The following CLPTM1L variants were observed in gnomAD, a reference collection of about 807,000 sequenced individuals.
CLPTM1L encodes the protein CLPTM1 like, also known as lipid scramblase CLPTM1L.
A neutral mutation model predicts 70.9 loss-of-function variants in CLPTM1L; 38 were observed. The observed-to-expected ratio is 0.54, with a 90% CI of 0.41 to 0.70. The LOEUF (loss-of-function observed/expected upper bound fraction) is 0.70, where lower values mean the gene tolerates loss of function less well. CLPTM1L is among the 30% of genes least tolerant of loss of function. The pLI is 0.00. For synonymous variants in CLPTM1L, 339 were observed against 299.9 expected (o/e 1.13, Z -1.35); for missense variants, 652 against 705.9 (o/e 0.92, Z 0.87).
At chr5:1,329,864 T>C (rs111643233) in intron 9 of CLPTM1L, among the ~76,000 whole-genome samples, 2 of 121,564 alleles carry the variant, frequency 1.6e-5, no homozygotes, top group South Asian at 3.1e-4. Flanking sequence ...GACTCTCTGC[T>C]TGGTGGACAG....
intron 3 of CLPTM1L, among the ~76,000 whole-genome samples, chr5:1,340,788 T>C (rs1753891683): frequency 6.6e-6 from 1 of 152,300 alleles, no homozygotes; most frequent in South Asian, 2.1e-4. Flanking sequence ...TTTCTTGTTT[T>C]GTAAATTTTT....
intron 10 of CLPTM1L, chr5:1,325,030 TGGG>T: frequency 1.7e-6 from 1 of 599,792 alleles, no homozygotes; most frequent in Non-Finnish European, 3.0e-6. Context: ...ACAAGCCTGA[TGGG>T]GGCAACGCGG....
At chr5:1,322,605 G>A (rs1169843935) in intron 13 of CLPTM1L, among the ~76,000 whole-genome samples, 5 of 152,246 alleles carry the variant, frequency 3.3e-5, no homozygotes, top group African/African-American at 7.2e-5. Flanking sequence ...ACAGCCTGGC[G>A]TGGAGGGGCT....
intron 3 of CLPTM1L, among the ~76,000 whole-genome samples, chr5:1,339,875 G>T (rs957975546): frequency 4.3e-4 from 60 of 140,096 alleles, no homozygotes; most frequent in African/African-American, 1.5e-3. Flanking sequence ...CCACACAGAC[G>T]GGCAAACTGT....
At chr5:1,340,078 A>G (rs751715389) in intron 3 of CLPTM1L, among the ~76,000 whole-genome samples, 11 of 152,240 alleles carry the variant, frequency 7.2e-5, no homozygotes, top group Non-Finnish European at 1.6e-4. Flanking sequence ...CTCGCCAAAC[A>G]GCCCCCCATC....
Position 1,344,849 on chromosome 5 carries a change from C to T in CLPTM1L, c.-8G>A, listed in dbSNP as rs1754177338. On this transcript the variant is annotated 5_prime_UTR_variant, in exon 1 of 17. Transcript: ENST00000320895. ...GCTGCGGCCGCTCCACATGGCGGCCCCGCGCCCGGCGCCCCCGGCCCGCCC... is the reference window on the plus strand; with the variant it reads ...GCTGCGGCCGCTCCACATGGCGGCCTCGCGCCCGGCGCCCCCGGCCCGCCC... 2.7e-6 allele frequency: 4 copies of T among 1,466,426 alleles called. No individual in the cohort carries two copies. The highest frequency in any genetic ancestry group is 3.6e-6 in the Non-Finnish European group (4 of 1,107,596). 90.8% of individuals were successfully genotyped at this position (1,466,426 alleles called of 1,614,324 possible).
chr5:1,344,766 C>G lies in CLPTM1L; in HGVS notation c.76G>C (p.Val26Leu). The G allele has an allele frequency of 6.2e-7, 1 of 1,605,522 alleles. No individual in the cohort carries two copies. Among genetic ancestry groups the G allele is most frequent in the Non-Finnish European group, 8.5e-7 (1 of 1,176,910 alleles). The change falls in exon 1 of 17, where the codon GTC becomes CTC. Residue 26 changes from valine (V) to leucine (L), a missense_variant. Transcript: ENST00000320895. ...CGGGTGTAGACGATGCCGTACATGA[C>G]CCAGCAGGTGTGCACCACGTAGACC... ...FVVYVVHTCW[V>L]MYGIVYTRPC...
intron 9 of CLPTM1L, 122 bp downstream of exon 9, chr5:1,330,158 G>T: frequency 1.3e-6 from 1 of 782,890 alleles, no homozygotes; most frequent in Non-Finnish European, 2.2e-6. Context: ...AGAACACTGA[G>T]GCCATCGGGA....
chr5:1,333,798 A>G (rs1414829379), intron 7 of CLPTM1L, among the ~76,000 whole-genome samples: 1 of 150,414 alleles, frequency 6.6e-6, no homozygotes, highest in Non-Finnish European at 1.5e-5. Flanking sequence ...CTGTATACAC[A>G]TCGGGTAAGG....
At chr5:1,332,132 G>A in intron 7 of CLPTM1L, 2 of 508,464 alleles carry the variant, frequency 3.9e-6, no homozygotes, top group East Asian at 3.3e-5. Context: ...TTGAACTGCT[G>A]GAAAGGCCCC....
chr5:1,338,596 C>T (rs1228428513), intron 4 of CLPTM1L, among the ~76,000 whole-genome samples: 1 of 152,278 alleles, frequency 6.6e-6, no homozygotes, highest in African/African-American at 2.4e-5. Context: ...CCCATCAGCG[C>T]CTTCCGTTTT....
chr5:1,338,078 C>A lies in CLPTM1L; in HGVS notation c.600-96G>T, dbSNP rs1753696323. 3.1e-6 allele frequency: 3 copies of A among 954,492 alleles called. No homozygotes were observed. In the Admixed American group the frequency reaches 6.0e-5, roughly 19 times the overall value. The allele number at this position is 954,492 out of a possible 1,614,324, so 59.1% of individuals were successfully genotyped here. A position where few individuals can be genotyped will look rare whatever the true frequency, so the allele number is the denominator to read the frequency against. On this transcript the variant is annotated intron_variant, in intron 4 of 16. Transcript: ENST00000320895. Reference sequence around the variant, plus strand: ...ACACTGGGTTTACCCCAGAGAAGTGCCCCCAGCACCACCCTCAACTGCTTC... The same window carrying A: ...ACACTGGGTTTACCCCAGAGAAGTGACCCCAGCACCACCCTCAACTGCTTC...
intron 8 of CLPTM1L, 73 bp from the exon 9 acceptor site, chr5:1,330,456 A>AC (rs1164102418): frequency 1.6e-6 from 2 of 1,249,048 alleles, no homozygotes; most frequent in African/African-American, 1.5e-5. Flanking sequence ...TCACACACAT[A>AC]CCCCCAGTCC....
At chr5:1,326,222 G>A (rs946022500) in intron 9 of CLPTM1L, 1 of 255,886 alleles carries the variant, frequency 3.9e-6, no homozygotes, top group Non-Finnish European at 7.5e-6. Flanking sequence ...CGGAGCTCAG[G>A]ACGGGTGCCA....
Position 1,331,789 on chromosome 5 carries a change from G to A in CLPTM1L, c.976+10C>T. Reference sequence around the variant, plus strand: ...GAGTATCTGAGCAGGGCCACGCTCGGGGGGCCTACCTGCCTTGGTGGACAT... The same window carrying A: ...GAGTATCTGAGCAGGGCCACGCTCGAGGGGCCTACCTGCCTTGGTGGACAT... On this transcript the variant is annotated intron_variant, in intron 8 of 16. Coordinates refer to ENST00000320895, the MANE Select transcript of CLPTM1L (RefSeq NM_030782.5). 1 of 1,612,702 alleles carries A rather than the reference G, an allele frequency of 6.2e-7. No homozygotes were observed. The highest frequency in any genetic ancestry group is 8.5e-7 in the Non-Finnish European group (1 of 1,179,710).
At chr5:1,325,567 C>G in intron 10 of CLPTM1L, 184 bp downstream of exon 10, 1 of 621,328 alleles carries the variant, frequency 1.6e-6, no homozygotes, top group Non-Finnish European at 2.9e-6. Context: ...AGGTATATGA[C>G]CGGGGAATCC....
At chr5:1,343,638 G>T (rs1754088548) in intron 2 of CLPTM1L, among the ~76,000 whole-genome samples, 2 of 152,188 alleles carry the variant, frequency 1.3e-5, no homozygotes, top group South Asian at 4.1e-4. Flanking sequence ...CTGGCTTGAG[G>T]TCACAGGCCT....
At chr5:1,326,737 TCATCCAGCTCCTCCTCTACAGGGACAATC>T (rs1752591399) in intron 9 of CLPTM1L, among the ~76,000 whole-genome samples, 3 of 124,798 alleles carry the variant, frequency 2.4e-5, no homozygotes, top group East Asian at 2.7e-4. Flanking sequence ...CGGGGACATT[TCATCCAGCTCCTCCTCTACAGGGACAATC>T]CATCCAGCTC....
chr5:1,328,593 TTTCATCCAGCTCCTCCTCTACAGACACAC>T (rs1561236926), intron 9 of CLPTM1L, among the ~76,000 whole-genome samples: 6 of 150,626 alleles, frequency 4.0e-5, no homozygotes, highest in South Asian at 2.1e-4. Context: ...TACAGACAGA[TTTCATCCAGCTCCTCCTCTACAGACACAC>T]TTCATCCAGC....
Sources: gnomAD v4.1 joint callset for allele counts (sites outside exome capture counted in the v4.1 genomes callset) on GRCh38, gnomAD v4.1.1 for gene constraint, MANE v1.5 for transcripts, NCBI Gene and HGNC (gene_info 2026-07-23, HGNC 2026-07-21) for gene names.